Variants in METAP2 observed in about 807,000 individuals in gnomAD.
METAP2 encodes the protein methionyl aminopeptidase 2.
In METAP2, 25 loss-of-function variants were observed where a neutral mutation model predicts 59.4. The ratio of observed to expected loss-of-function variants is 0.42; its 90% CI spans 0.31 to 0.59. The LOEUF (loss-of-function observed/expected upper bound fraction) is 0.59, where lower values mean the gene tolerates loss of function less well. Ranked by LOEUF, METAP2 falls within the 20% of genes least tolerant of loss-of-function variation. The pLI, the probability that METAP2 is intolerant of heterozygous loss-of-function variation, is 0.16. For synonymous variants in METAP2, 214 were observed against 194.1 expected (o/e 1.10, Z -0.85); for missense variants, 366 against 581.2 (o/e 0.63, Z 3.81).
chr12:95,481,509 T>C (rs2076158003), intron 2 of METAP2, among the ~76,000 whole-genome samples: 1 of 152,198 alleles, frequency 6.6e-6, no homozygotes, highest in Non-Finnish European at 1.5e-5. Context: ...CATGGTATAA[T>C]GGTTGGAACT....
intron 8 of METAP2, among the ~76,000 whole-genome samples, chr12:95,511,399 T>TTTG (rs1250238308): frequency 7.1e-6 from 1 of 140,468 alleles, no homozygotes; most frequent in East Asian, 2.0e-4. Context: ...GTTTTTTTTT[T>TTTG]TTTTTTTTTT....
chr12:95,494,279 C>A, intron 5 of METAP2, 62 bp downstream of exon 5: 1 of 1,451,754 alleles, frequency 6.9e-7, no homozygotes, highest in Non-Finnish European at 9.4e-7. Flanking sequence ...ACTAACTCTC[C>A]AATTATAATG....
intron 3 of METAP2, among the ~76,000 whole-genome samples, chr12:95,485,254 A>G (rs1312551737): frequency 1.3e-5 from 2 of 152,176 alleles, no homozygotes; most frequent in African/African-American, 4.8e-5. Flanking sequence ...CTAGACTTCA[A>G]CTTTGATATT....
intron 5 of METAP2, 112 bp downstream of exon 5, chr12:95,494,329 GGT>G: frequency 9.4e-7 from 1 of 1,063,278 alleles, no homozygotes; most frequent in Non-Finnish European, 1.3e-6. Flanking sequence ...TTTAAGTAAA[GGT>G]TGTAGAAATG....
chr12:95,483,992 G>A (rs2076177999), intron 3 of METAP2, among the ~76,000 whole-genome samples: 1 of 152,046 alleles, frequency 6.6e-6, no homozygotes, highest in African/African-American at 2.4e-5. Context: ...GTTTCTGTAA[G>A]TGCCACAACC....
At chr12:95,481,425 A>C (rs3850023) in intron 2 of METAP2, among the ~76,000 whole-genome samples, 36,033 of 152,050 alleles carry the variant, frequency 0.24, 4,878 homozygotes, top group East Asian at 0.48. Context: ...AAACCAAAAA[A>C]ACCAACCATC....
In METAP2 at chr12:95,476,071, C is replaced by G; in HGVS notation, c.152C>G (p.Ala51Gly). 1.9e-6 allele frequency: 3 copies of G among 1,589,410 alleles called. No individual in the cohort carries two copies. Among genetic ancestry groups the G allele is most frequent in the Non-Finnish European group, 2.6e-6 (3 of 1,163,252 alleles). The stretch of plus-strand genomic sequence containing the variant: ...ATTTCTGCTATTTTATTTTGATCAG[C>G]AGGGGAACAGGAACCTGATAAAGAA... Reference protein sequence around the residue: ...KKKKSKGPSAAGEQEPDKESG... With the variant: ...KKKKSKGPSAGGEQEPDKESG... Residue 51 changes from alanine (A) to glycine (G), a missense_variant and splice_region_variant, in exon 2 of 11, where the codon GCA (alanine) becomes GGA (glycine). Transcript: ENST00000323666.
intron 2 of METAP2, among the ~76,000 whole-genome samples, chr12:95,477,672 C>G (rs1360556299): frequency 6.6e-6 from 1 of 152,184 alleles, no homozygotes; most frequent in Non-Finnish European, 1.5e-5. Flanking sequence ...CTGAGAACAT[C>G]TGCTCCCCCT....
chr12:95,479,407 AAG>A lies in METAP2; in HGVS notation c.259+3232_259+3233del, dbSNP rs1452367447. Among the ~76,000 whole-genome samples the A allele has an allele frequency of 2.0e-5, 3 of 152,152 alleles. No homozygotes were observed. In the East Asian group the frequency reaches 5.8e-4, roughly 29 times the overall value. The stretch of plus-strand genomic sequence containing the variant: ...GTTGACTGAAATAGTGAAGTTGGGA[AAG>A]AGCCAGTTAGACATTGGGGGAGAGG... On this transcript the variant is annotated intron_variant, in intron 2 of 10. Transcript: ENST00000323666.
intron 9 of METAP2, among the ~76,000 whole-genome samples, chr12:95,512,348 A>G (rs1378429104): frequency 6.6e-6 from 1 of 152,144 alleles, no homozygotes; most frequent in African/African-American, 2.4e-5. Context: ...AAGCAGGGCA[A>G]GGCTAGATAA....
At chr12:95,492,941 ATGAG>A (rs1234091761) in intron 4 of METAP2, among the ~76,000 whole-genome samples, 4 of 152,326 alleles carry the variant, frequency 2.6e-5, no homozygotes, top group Non-Finnish European at 4.4e-5. Flanking sequence ...CAGTACATAA[ATGAG>A]TGGGCACATG....
Position 95,495,014 on chromosome 12 carries a change from C to T in METAP2, c.648C>T (p.Gly216=). The change falls in exon 6 of 11, where the codon GGC becomes GGT. Residue 216 remains glycine, a synonymous_variant. Coordinates refer to ENST00000323666, the MANE Select transcript of METAP2 (RefSeq NM_006838.4). ...TAAAAGAGAATGGATTAAATGCAGG[C>T]CTGGCATTTCCTACTGGATGTTCTC... ...KLIKENGLNA[G]LAFPTGCSLN... The T allele has an allele frequency of 6.2e-7, 1 of 1,613,498 alleles. No individual in the cohort carries two copies. The highest frequency in any genetic ancestry group is 1.3e-5 in the African/African-American group (1 of 75,014).
chr12:95,483,178 G>A, intron 2 of METAP2, 37 bp from the exon 3 acceptor site: 1 of 1,535,008 alleles, frequency 6.5e-7, no homozygotes, highest in Non-Finnish European at 9.0e-7. Flanking sequence ...TGCTTATGAG[G>A]TTTAAATGAA....
At chr12:95,494,440 A>G (rs2076262692) in intron 5 of METAP2, among the ~76,000 whole-genome samples, 1 of 152,154 alleles carries the variant, frequency 6.6e-6, no homozygotes, top group Non-Finnish European at 1.5e-5. Context: ...GTCATTACTG[A>G]TTGTTATTTT....
rs749574991 is a variant in METAP2 at position 95,474,311 on chromosome 12, G to A, written c.132G>A (p.Lys44=). 5.0e-6 allele frequency: 8 copies of A among 1,614,102 alleles called. No individual in the cohort carries two copies. In the Admixed American group the frequency reaches 1.3e-4, roughly 27 times the overall value. Reference sequence around the variant, plus strand: ...AGAAAAAAAGACGAAAGAAGAAGAAGAGCAAAGGGCCTTCTGCAGGTAAAG... The same window carrying A: ...AGAAAAAAAGACGAAAGAAGAAGAAAAGCAAAGGGCCTTCTGCAGGTAAAG... The part of the protein sequence containing the change: ...AAKKKRRKKK[K]SKGPSAAGEQ... The change falls in exon 1 of 11, where the codon AAG becomes AAA. Residue 44 remains lysine, a synonymous_variant. Transcript: ENST00000323666.
chr12:95,494,857 G>C lies in METAP2; in HGVS notation c.591-100G>C, dbSNP rs916836494. The C allele has an allele frequency of 1.7e-5, 15 of 885,650 alleles. No individual in the cohort carries two copies. The East Asian group carries it at 4.0e-4, about 24-fold the overall frequency. 54.9% of individuals were successfully genotyped at this position (885,650 alleles called of 1,614,324 possible). A position where few individuals can be genotyped will look rare whatever the true frequency, so the allele number is the denominator to read the frequency against. On this transcript the variant is annotated intron_variant, in intron 5 of 10. Transcript: ENST00000323666. ...CAGATCATTCCCAGAAGGTATTTAA[G>C]GTTTTTAGTAAACTTTCTGGACTTG...
intron 4 of METAP2, among the ~76,000 whole-genome samples, chr12:95,488,850 CT>C (rs2076217177): frequency 6.6e-6 from 1 of 151,446 alleles, no homozygotes; most frequent in South Asian, 2.1e-4. Flanking sequence ...CTTTTTAATA[CT>C]TTTCTTAGCT....
chr12:95,505,124 T>C (rs992907473), intron 8 of METAP2, among the ~76,000 whole-genome samples: 1 of 152,246 alleles, frequency 6.6e-6, no homozygotes, highest in Non-Finnish European at 1.5e-5. Context: ...CTTTGTAGAC[T>C]GTGAGTGGAG....
intron 7 of METAP2, among the ~76,000 whole-genome samples, chr12:95,497,909 C>T (rs1001595240): frequency 1.3e-5 from 2 of 150,750 alleles, no homozygotes; most frequent in Non-Finnish European, 3.0e-5. Flanking sequence ...GGGTGGATCA[C>T]GAAGTCAGGA....
Sources: gnomAD v4.1 joint callset for allele counts (sites outside exome capture counted in the v4.1 genomes callset) on GRCh38, gnomAD v4.1.1 for gene constraint, MANE v1.5 for transcripts, NCBI Gene and HGNC (gene_info 2026-07-23, HGNC 2026-07-21) for gene names.